The following PPFIBP1 variants were observed in gnomAD, a reference collection of about 807,000 sequenced individuals.
PPFIBP1 encodes the protein liprin-beta-1.
A neutral mutation model predicts 137.8 loss-of-function variants in PPFIBP1; 112 were observed. That is an observed-to-expected ratio of 0.81 (90% CI 0.70 to 0.95). The LOEUF (loss-of-function observed/expected upper bound fraction) is 0.95, where lower values mean the gene tolerates loss of function less well. Among genes scored for constraint, PPFIBP1 ranks in the 40% least tolerant of loss-of-function variants. The pLI is 0.00. For missense variants in PPFIBP1, 1,083 were observed against 1,196.6 expected (o/e 0.91, Z 1.40); for synonymous variants, 378 against 417.3 (o/e 0.91, Z 1.15).
chr12:27,671,586 A>C lies in PPFIBP1; in HGVS notation c.1262+40A>C, dbSNP rs199626838. ...AACAGTGCAATATAAATGTTCAAAA[A>C]AGTAGATCAGCCAAAGACAAGGATG... On this transcript the variant is annotated intron_variant, in intron 14 of 29. Transcript: ENST00000228425. 5 of 1,298,128 alleles carry C rather than the reference A, an allele frequency of 3.9e-6. No individual in the cohort carries two copies. The African/African-American group carries it at 4.6e-5, about 12-fold the overall frequency. The allele number at this position is 1,298,128 out of a possible 1,614,324, so 80.4% of individuals were successfully genotyped here.
intron 2 of PPFIBP1, among the ~76,000 whole-genome samples, chr12:27,604,716 T>G (rs1477140524): frequency 6.6e-6 from 1 of 152,250 alleles, no homozygotes; most frequent in Non-Finnish European, 1.5e-5. Flanking sequence ...GAACCACTTG[T>G]GTACATCTCC....
intron 2 of PPFIBP1, among the ~76,000 whole-genome samples, chr12:27,617,000 G>A (rs1003848769): frequency 4.4e-4 from 67 of 152,208 alleles, no homozygotes; most frequent in African/African-American, 1.6e-3. Flanking sequence ...TTGAAGTGGA[G>A]CCAACTCAAC....
Position 27,678,880 on chromosome 12 carries a change from A to AAAAAAAAAAAAAAC in PPFIBP1, c.1616-608_1616-607insAAAAAAAAAAAACA, listed in dbSNP as rs1566000445. On this transcript the variant is annotated intron_variant, in intron 19 of 29. Transcript: ENST00000228425. ...TCAAAAAAAAAAAAAAAAAAAAAAA[A>AAAAAAAAAAAAAAC]ACATTTAAGAGAGAAAAAGACTCTC... Among the ~76,000 whole-genome samples, 4 of 136,724 alleles carry AAAAAAAAAAAAAAC rather than the reference A, an allele frequency of 2.9e-5. No individual in the cohort carries two copies. In the South Asian group the frequency reaches 7.4e-4, roughly 25 times the overall value. The allele number at this position is 136,724 out of a possible 152,430, so 89.7% of individuals were successfully genotyped here. A position where few individuals can be genotyped will look rare whatever the true frequency, so the allele number is the denominator to read the frequency against.
chr12:27,593,907 G>C, intron 2 of PPFIBP1: 1 of 1,495,402 alleles, frequency 6.7e-7, no homozygotes, highest in Non-Finnish European at 8.9e-7. Flanking sequence ...CCCTTGGAAG[G>C]TGCGTCTTCC....
intron 1 of PPFIBP1, among the ~76,000 whole-genome samples, chr12:27,525,195 G>A (rs1407256749): frequency 1.3e-5 from 2 of 152,100 alleles, no homozygotes; most frequent in Non-Finnish European, 2.9e-5. Context: ...TTCAACATGT[G>A]GGACCAAAAC....
In PPFIBP1 at chr12:27,664,429, TG is replaced by T; in HGVS notation, c.976del (p.Ala326ProfsTer41). On this transcript the variant is annotated frameshift_variant, in exon 12 of 30. Coordinates refer to ENST00000228425, the MANE Select transcript of PPFIBP1 (RefSeq NM_003622.4). LOFTEE classifies it high-confidence loss of function. ...AAGAAAATGCAAGACACGGTGGTAC[TG>T]GCCCAAGGTAAAAAAGGTAGAGTGT... ...RYKKMQDTVVLAQGKKGKDGE... is the reference protein window; with the variant it reads ...RYKKMQDTVVXAQGKKGKDGE... 1 of 1,609,472 alleles carries T rather than the reference TG, an allele frequency of 6.2e-7. No homozygotes were observed. The highest frequency in any genetic ancestry group is 8.5e-7 in the Non-Finnish European group (1 of 1,176,252).
In PPFIBP1 at chr12:27,581,983, T is replaced by C. The variant is rs180915823; in HGVS notation, c.-36+3744T>C. The stretch of plus-strand genomic sequence containing the variant: ...GATGCTTTGCGTGTGTGTGTGTACG[T>C]ATGTGTGTGTGTGTGTATGGAGTTT... On this transcript the variant is annotated intron_variant, in intron 2 of 29. Transcript: ENST00000228425. Among the ~76,000 whole-genome samples the C allele has an allele frequency of 6.7e-3, 992 of 147,708 alleles. 7 individuals carry two copies. The highest frequency in any genetic ancestry group is 0.023 in the African/African-American group (941 of 41,080).
In PPFIBP1 at chr12:27,691,932, A is replaced by T. The variant is rs368244754; in HGVS notation, c.2865+4A>T. ...TGATTTGGACCGGTTAGAGCAGGTAAATCCAACACTGTATAACTTTTTGCG... is the reference window on the plus strand; with the variant it reads ...TGATTTGGACCGGTTAGAGCAGGTATATCCAACACTGTATAACTTTTTGCG... On this transcript the variant is annotated splice_donor_region_variant and intron_variant, in intron 28 of 29. Transcript: ENST00000228425. The T allele has an allele frequency of 8.2e-6, 13 of 1,590,856 alleles. No homozygotes were observed. Among genetic ancestry groups the T allele is most frequent in the Non-Finnish European group, 1.0e-5 (12 of 1,169,592 alleles).
In PPFIBP1 at chr12:27,681,650, C is replaced by T. The variant is rs748685451; in HGVS notation, c.2000C>T (p.Ala667Val). ...CTGAATTCTGGCAAGCACTGGATTG[C>T]ATCTGGCCAAACGCTTTTGCAGGCT... ...SYLNSGKHWI[A>V]SGQTLLQASQ... Residue 667 changes from alanine (A) to valine (V), a missense_variant, in exon 22 of 30, where the codon GCA (alanine) becomes GTA (valine). Ala to Val is a moderately conservative substitution (Grantham distance 64). Coordinates refer to ENST00000228425, the MANE Select transcript of PPFIBP1 (RefSeq NM_003622.4). The T allele has an allele frequency of 4.3e-6, 7 of 1,614,066 alleles. No individual in the cohort carries two copies. Among genetic ancestry groups the T allele is most frequent in the Non-Finnish European group, 5.9e-6 (7 of 1,180,028 alleles).
At chr12:27,661,590 A>G (rs568917513) in intron 11 of PPFIBP1, among the ~76,000 whole-genome samples, 2 of 152,300 alleles carry the variant, frequency 1.3e-5, no homozygotes, top group East Asian at 3.9e-4. Context: ...CTGACCACGT[A>G]TCTAGCAGGC....
chr12:27,545,849 G>A (rs1446724749), intron 1 of PPFIBP1, among the ~76,000 whole-genome samples: 1 of 152,148 alleles, frequency 6.6e-6, no homozygotes, highest in Non-Finnish European at 1.5e-5. Flanking sequence ...TCCCCCAACC[G>A]GCCGCCTCTC....
At chr12:27,644,244 G>GTTTTTTTTTTTTTTTTTTTTTTTTTT (rs3842650) in intron 4 of PPFIBP1, among the ~76,000 whole-genome samples, 20 of 117,756 alleles carry the variant, frequency 1.7e-4, no homozygotes, top group South Asian at 7.0e-4. Flanking sequence ...GCTTGGCTAA[G>GTTTTTTTTTTTTTTTTTTTTTTTTTT]TTTTTTTTTT....
intron 24 of PPFIBP1, among the ~76,000 whole-genome samples, chr12:27,684,022 C>T (rs1351676659): frequency 1.3e-5 from 2 of 152,080 alleles, no homozygotes; most frequent in Admixed American, 6.6e-5. Flanking sequence ...CTCCTGACCT[C>T]GTTATCCACC....
chr12:27,542,590 C>G (rs1043451263), intron 1 of PPFIBP1, among the ~76,000 whole-genome samples: 1 of 152,154 alleles, frequency 6.6e-6, no homozygotes, highest in East Asian at 1.9e-4. Context: ...TGCTGCTGTT[C>G]TTTTTTTGTT....
rs117796417 is a variant in PPFIBP1 at position 27,550,513 on chromosome 12, A to G, written c.-124+26148A>G. ...TGGACTCACAGGAGTGCAAAATGCA[A>G]TGGTGTTAGGGGTTTGTATGGATAT... On this transcript the variant is annotated intron_variant, in intron 1 of 29. Coordinates refer to ENST00000228425, the MANE Select transcript of PPFIBP1 (RefSeq NM_003622.4). Among the ~76,000 whole-genome samples, 1,044 of 152,302 alleles carry G rather than the reference A, an allele frequency of 6.9e-3. 15 individuals carry two copies. The highest frequency in any genetic ancestry group is 0.038 in the East Asian group (196 of 5,184).
At chr12:27,642,995 A>C (rs2058221533) in intron 4 of PPFIBP1, among the ~76,000 whole-genome samples, 1 of 152,090 alleles carries the variant, frequency 6.6e-6, no homozygotes. Flanking sequence ...GGGAGCTCAC[A>C]CAAGATGGCC....
At chr12:27,650,278 C>A in intron 7 of PPFIBP1, 137 bp downstream of exon 7, 1 of 544,442 alleles carries the variant, frequency 1.8e-6, no homozygotes, top group African/African-American at 1.9e-5. Context: ...TACGTACCAT[C>A]ATCCTACTTC....
intron 1 of PPFIBP1, among the ~76,000 whole-genome samples, chr12:27,534,442 T>C (rs1401883732): frequency 2.0e-5 from 3 of 152,018 alleles, no homozygotes; most frequent in African/African-American, 4.8e-5. Flanking sequence ...ATTATTGTCA[T>C]GGAGGAAAAA....
At chr12:27,636,296 A>G (rs1040795276) in intron 4 of PPFIBP1, 3 of 151,988 alleles carry the variant, frequency 2.0e-5, no homozygotes, top group African/African-American at 7.3e-5. Flanking sequence ...ATGCCTTACT[A>G]TTATACTTTC....
Sources: gnomAD v4.1 joint callset for allele counts (sites outside exome capture counted in the v4.1 genomes callset) on GRCh38, gnomAD v4.1.1 for gene constraint, MANE v1.5 for transcripts, NCBI Gene and HGNC (gene_info 2026-07-23, HGNC 2026-07-21) for gene names.